Variants in ROBO2 observed in about 807,000 individuals in gnomAD.
ROBO2 encodes the protein roundabout guidance receptor 2.
In ROBO2, 53 loss-of-function variants were observed where a neutral mutation model predicts 160.8. That is an observed-to-expected ratio of 0.33 (90% confidence interval 0.26 to 0.41). The LOEUF (loss-of-function observed/expected upper bound fraction) is 0.41. ROBO2 is among the 10% of genes least tolerant of loss of function. The pLI, the probability that ROBO2 is intolerant of heterozygous loss-of-function variation, is 1.00. For missense variants in ROBO2, 1,577 were observed against 1,722.4 expected, an observed-to-expected ratio of 0.92 and a Z score of 1.49; for synonymous variants, 664 against 611.7, an observed-to-expected ratio of 1.09 and a Z score of -1.26.
At chr3:76,837,934 A>G (rs2067859663) in intron 2 of ROBO2, among the ~76,000 whole-genome samples, 1 of 151,982 alleles carries the variant, frequency 6.6e-6, no homozygotes, top group African/African-American at 2.4e-5. Flanking sequence ...GTGTTGTTCA[A>G]TTTGGAGTAT....
Position 77,550,361 on chromosome 3 carries a change from A to G in ROBO2, c.1060-457A>G, listed in dbSNP as rs377665631. ...TTCAGTTGAGTCCATCAAGTATTCA[A>G]AATGATCAACAGCAATCATATTTTG... On this transcript the variant is annotated intron_variant, in intron 7 of 25. Coordinates refer to ENST00000461745, the Ensembl canonical transcript of ROBO2. Among the ~76,000 whole-genome samples the G allele has an allele frequency of 1.1e-4, 16 of 152,054 alleles. No individual in the cohort carries two copies. The East Asian group carries it at 1.2e-3, about 11-fold the overall frequency.
intron 2 of ROBO2, among the ~76,000 whole-genome samples, chr3:76,622,246 GAAAGAAAGAAAGAAAGAAAGAA>G: frequency 2.2e-5 from 1 of 46,072 alleles, no homozygotes; most frequent in Admixed American, 2.1e-4. Flanking sequence ...AAGAAAGAAA[GAAAGAAAGAAAGAAAGAAAGAA>G]AGAAAGAAAG....
intron 2 of ROBO2, among the ~76,000 whole-genome samples, chr3:77,150,585 G>T (rs2077469551): frequency 6.6e-6 from 1 of 151,960 alleles, no homozygotes; most frequent in Non-Finnish European, 1.5e-5. Flanking sequence ...GGAAAGTCAG[G>T]TAAACTATTT....
In ROBO2 at chr3:76,825,874, G is replaced by A. The variant is rs542643825; in HGVS notation, c.110-272140G>A. Among the ~76,000 whole-genome samples, 10 of 151,930 alleles carry A rather than the reference G, an allele frequency of 6.6e-5. No individual in the cohort carries two copies. In the South Asian group the frequency reaches 1.9e-3, roughly 28 times the overall value. On this transcript the variant is annotated intron_variant, in intron 2 of 26. Coordinates refer to the ROBO2 transcript ENST00000487694. Reference sequence around the variant, plus strand: ...AAACTGTTAACATTCGTTCCGTTGAGTTTACAAAAAAAGCATTTCTCTTGT... The same window carrying A: ...AAACTGTTAACATTCGTTCCGTTGAATTTACAAAAAAAGCATTTCTCTTGT...
intron 2 of ROBO2, among the ~76,000 whole-genome samples, chr3:76,540,798 T>G (rs529012897): frequency 6.6e-6 from 1 of 152,236 alleles, no homozygotes. Context: ...TTATTTTTAT[T>G]TTTATTTATT....
At chr3:75,956,896 A>G (rs1169436075) in intron 2 of ROBO2, among the ~76,000 whole-genome samples, 1 of 151,696 alleles carries the variant, frequency 6.6e-6, no homozygotes, top group Non-Finnish European at 1.5e-5. Context: ...CTTTTATGAC[A>G]AAATAGATAT....
At chr3:75,950,973 A>G (rs1576273954) in intron 2 of ROBO2, among the ~76,000 whole-genome samples, 1 of 152,078 alleles carries the variant, frequency 6.6e-6, no homozygotes, top group Admixed American at 6.6e-5. Context: ...TAAATATATA[A>G]ATAGCTCAAA....
chr3:77,268,284 T>C (rs1011806269), intron 2 of ROBO2, among the ~76,000 whole-genome samples: 5 of 152,204 alleles, frequency 3.3e-5, no homozygotes, highest in Non-Finnish European at 5.9e-5. Context: ...ATATTTTTAT[T>C]CTCATGTAGA....
intron 2 of ROBO2, among the ~76,000 whole-genome samples, chr3:76,058,094 TG>T (rs1202440503): frequency 1.1e-4 from 9 of 82,216 alleles, no homozygotes; most frequent in Admixed American, 4.1e-4. Flanking sequence ...AAGAGCTTTT[TG>T]TTTTTTTTTT....
intron 24 of ROBO2, among the ~76,000 whole-genome samples, chr3:77,637,909 T>C (rs2095290958): frequency 6.6e-6 from 1 of 152,206 alleles, no homozygotes; most frequent in Non-Finnish European, 1.5e-5. Flanking sequence ...TTGCTTATCT[T>C]TCTAAAAAAT....
chr3:76,727,657 G>A (rs925700128), intron 2 of ROBO2, among the ~76,000 whole-genome samples: 5 of 152,066 alleles, frequency 3.3e-5, no homozygotes, highest in Non-Finnish European at 7.4e-5. Flanking sequence ...AACAAATATC[G>A]CAAGTTCTCA....
At chr3:75,959,461 C>T (rs1416912482) in intron 2 of ROBO2, among the ~76,000 whole-genome samples, 1 of 151,694 alleles carries the variant, frequency 6.6e-6, no homozygotes, top group Non-Finnish European at 1.5e-5. Flanking sequence ...CTCTTGGTCT[C>T]TAGGATGGAG....
intron 2 of ROBO2, among the ~76,000 whole-genome samples, chr3:77,026,056 T>C (rs939657247): frequency 1.3e-5 from 2 of 152,224 alleles, no homozygotes; most frequent in Non-Finnish European, 2.9e-5. Context: ...AAAGTTTATA[T>C]GTGCATATGC....
At chr3:77,448,366 C>T (rs1355751072) in intron 2 of ROBO2, among the ~76,000 whole-genome samples, 3 of 152,118 alleles carry the variant, frequency 2.0e-5, no homozygotes, top group South Asian at 2.1e-4. Context: ...AACAAGGCCA[C>T]CTTTGGCCAT....
chr3:76,146,463 A>C (rs1378618173), intron 2 of ROBO2, among the ~76,000 whole-genome samples: 1 of 151,836 alleles, frequency 6.6e-6, no homozygotes, highest in Non-Finnish European at 1.5e-5. Context: ...TCTCTAATCT[A>C]GAGAGTGTCT....
chr3:77,103,022 A>G (rs1006191262), intron 2 of ROBO2, among the ~76,000 whole-genome samples: 9 of 152,198 alleles, frequency 5.9e-5, no homozygotes, highest in Non-Finnish European at 1.0e-4. Context: ...TGGGACCACC[A>G]GGAGAGCCAT....
chr3:76,133,539 G>A (rs930785781), intron 2 of ROBO2, among the ~76,000 whole-genome samples: 4 of 152,044 alleles, frequency 2.6e-5, no homozygotes, highest in Non-Finnish European at 4.4e-5. Flanking sequence ...CCGTCTGCAA[G>A]CTGAGGAGCC....
chr3:75,977,376 G>A (rs1328492081), intron 2 of ROBO2, among the ~76,000 whole-genome samples: 1 of 151,516 alleles, frequency 6.6e-6, no homozygotes, highest in East Asian at 1.9e-4. Flanking sequence ...ATACTTGTCG[G>A]AAATATTTAA....
At chr3:77,197,535 C>A in intron 2 of ROBO2, among the ~76,000 whole-genome samples, 1 of 152,122 alleles carries the variant, frequency 6.6e-6, no homozygotes, top group East Asian at 1.9e-4. Flanking sequence ...TGAGTCAGGG[C>A]TAGTAAGAAA....
Sources: gnomAD v4.1 joint callset for allele counts (sites outside exome capture counted in the v4.1 genomes callset) on GRCh38, gnomAD v4.1.1 for gene constraint, MANE v1.5 for transcripts, NCBI Gene and HGNC (gene_info 2026-07-23, HGNC 2026-07-21) for gene names.